Variants in HIBADH observed in about 807,000 individuals in gnomAD.
HIBADH encodes 3-hydroxyisobutyrate dehydrogenase, mitochondrial.
Under a neutral mutation model 36.1 loss-of-function variants are expected in HIBADH, and 25 were observed. The ratio of observed to expected loss-of-function variants is 0.69; its 90% CI spans 0.50 to 0.97. The LOEUF is 0.97. Among genes scored for constraint, HIBADH ranks in the 50% least tolerant of loss-of-function variants. The probability of loss-of-function intolerance (pLI) is 0.00; values close to 1 mark genes in which losing one functional copy is unlikely to be tolerated. For missense variants in HIBADH, 421 were observed against 418.0 expected (o/e 1.01, Z -0.06); for synonymous variants, 160 against 149.5 (o/e 1.07, Z -0.51).
Position 27,649,602 on chromosome 7 carries a change from T to C in HIBADH, c.123A>G (p.Pro41=), listed in dbSNP as rs1211042418. 1 of 1,613,848 alleles carries C rather than the reference T, an allele frequency of 6.2e-7. No individual in the cohort carries two copies. Residue 41 remains proline, a synonymous_variant, in exon 2 of 8, where the codon CCA becomes CCG. Transcript: ENST00000265395. The part of the protein sequence containing the change: ...VCSRSVASKT[P]VGFIGLGNMG... ...TGTTGCCCAGTCCAATGAATCCAAC[T>C]GGAGTCTTTGAAGCCACTGACCTAG...
At chr7:27,625,672 A>G (rs1024003723) in intron 4 of HIBADH, among the ~76,000 whole-genome samples, 1 of 152,194 alleles carries the variant, frequency 6.6e-6, no homozygotes, top group African/African-American at 2.4e-5. Context: ...TATTTTATAA[A>G]TATGTTGCAC....
intron 4 of HIBADH, among the ~76,000 whole-genome samples, chr7:27,616,665 T>C (rs928173599): frequency 1.3e-5 from 2 of 152,132 alleles, no homozygotes; most frequent in Admixed American, 6.6e-5. Context: ...TCTTGCCATA[T>C]TACCCAGGCT....
rs1342792264 is a variant in HIBADH at position 27,525,748 on chromosome 7, T to C, written c.*466A>G. The C allele has an allele frequency of 6.6e-6, 1 of 152,308 alleles. No homozygotes were observed. Among genetic ancestry groups the C allele is most frequent in the Non-Finnish European group, 1.5e-5 (1 of 68,100 alleles). 9.4% of individuals were successfully genotyped at this position (152,308 alleles called of 1,614,324 possible). A position where few individuals can be genotyped will look rare whatever the true frequency, so the allele number is the denominator to read the frequency against. On this transcript the variant is annotated 3_prime_UTR_variant, in exon 8 of 8. Coordinates refer to ENST00000265395, the MANE Select transcript of HIBADH (RefSeq NM_152740.4). ...TAAACCAGTAACCCTGGTAGTGCAGTAACCATTTGGTTAACAGGACAAACT... is the reference window on the plus strand; with the variant it reads ...TAAACCAGTAACCCTGGTAGTGCAGCAACCATTTGGTTAACAGGACAAACT...
rs1562609863 is a variant in HIBADH at position 27,527,917 on chromosome 7, C to CTTTTTTTTTTTTTTTTTTTT, written c.853-1546_853-1545insAAAAAAAAAAAAAAAAAAAA. 2.6e-3 allele frequency among the ~76,000 whole-genome samples: 203 copies of CTTTTTTTTTTTTTTTTTTTT among 77,020 alleles called. 76 individuals are homozygous for CTTTTTTTTTTTTTTTTTTTT. The highest frequency in any genetic ancestry group is 5.0e-3 in the African/African-American group (92 of 18,312). The allele number at this position is 77,020 out of a possible 152,430, so 50.5% of individuals were successfully genotyped here. The stretch of plus-strand genomic sequence containing the variant: ...AGGCATTTGCCACCACCACACCCAG[C>CTTTTTTTTTTTTTTTTTTTT]GTTTTTTTTTTTTTTTTTTTTTTTT... On this transcript the variant is annotated intron_variant, in intron 7 of 7. Coordinates refer to ENST00000265395, the MANE Select transcript of HIBADH (RefSeq NM_152740.4).
At chr7:27,579,139 G>C (rs1269640433) in intron 4 of HIBADH, among the ~76,000 whole-genome samples, 1 of 152,110 alleles carries the variant, frequency 6.6e-6, no homozygotes, top group East Asian at 1.9e-4. Context: ...AGTTATTTGG[G>C]GGACAACTGA....
At chr7:27,537,986 C>T (rs1269779986) in intron 6 of HIBADH, among the ~76,000 whole-genome samples, 1 of 152,100 alleles carries the variant, frequency 6.6e-6, no homozygotes, top group African/African-American at 2.4e-5. Context: ...ATGTCTTATA[C>T]AAATTTGTCC....
chr7:27,651,642 A>T (rs940949912), intron 1 of HIBADH, among the ~76,000 whole-genome samples: 2 of 152,218 alleles, frequency 1.3e-5, no homozygotes, highest in African/African-American at 4.8e-5. Flanking sequence ...TTAACAGGCA[A>T]TTCACTCTAG....
intron 2 of HIBADH, among the ~76,000 whole-genome samples, chr7:27,634,213 G>T (rs1015932085): frequency 2.0e-5 from 3 of 151,904 alleles, no homozygotes; most frequent in African/African-American, 7.3e-5. Context: ...AACAAAAAAA[G>T]ATATTCTCTT....
chr7:27,549,083 A>C (rs1314721625), intron 4 of HIBADH, among the ~76,000 whole-genome samples: 1 of 152,164 alleles, frequency 6.6e-6, no homozygotes, highest in African/African-American at 2.4e-5. Flanking sequence ...CCTGTTATCT[A>C]AATGCACATA....
At chr7:27,538,028 GAA>G (rs1422622834) in intron 6 of HIBADH, among the ~76,000 whole-genome samples, 2 of 152,132 alleles carry the variant, frequency 1.3e-5, no homozygotes, top group African/African-American at 2.4e-5. Flanking sequence ...AAATTTTACA[GAA>G]AAGTGTTTCT....
At chr7:27,611,445 G>T (rs6946582) in intron 4 of HIBADH, among the ~76,000 whole-genome samples, 14,143 of 152,146 alleles carry the variant, frequency 0.093, 912 homozygotes, top group Non-Finnish European at 0.14. Context: ...ATAGACGAGA[G>T]CTGATCAAGT....
At chr7:27,565,973 T>C (rs937984719) in intron 4 of HIBADH, among the ~76,000 whole-genome samples, 4 of 152,158 alleles carry the variant, frequency 2.6e-5, no homozygotes, top group Non-Finnish European at 4.4e-5. Flanking sequence ...ACTATTAATA[T>C]TACAAAGACT....
rs1484219429 is a variant in HIBADH at position 27,538,195 on chromosome 7, G to A, written c.695+146C>T. On this transcript the variant is annotated intron_variant, in intron 6 of 7. Transcript: ENST00000265395. ...TCCTATTGCTTGTCCAATAAGCAAA[G>A]TCTATTAAAGTTCAATAATGAAGTA... 5 of 647,604 alleles carry A rather than the reference G, an allele frequency of 7.7e-6. No homozygotes were observed. The Admixed American group carries it at 8.1e-5, about 11-fold the overall frequency. The allele number at this position is 647,604 out of a possible 1,614,324, so 40.1% of individuals were successfully genotyped here. A position where few individuals can be genotyped will look rare whatever the true frequency, so the allele number is the denominator to read the frequency against.
chr7:27,662,823 C>G lies in HIBADH; in HGVS notation c.-35G>C, dbSNP rs1414062912. On this transcript the variant is annotated 5_prime_UTR_variant, in exon 1 of 8. Coordinates refer to ENST00000265395, the MANE Select transcript of HIBADH (RefSeq NM_152740.4). ...GCCCCTCTCCCCGCGGTGACCTCCG[C>G]CGCCTCCCGGAGGGCCCACAGACTG... The G allele has an allele frequency of 1.4e-6, 2 of 1,436,660 alleles. No individual in the cohort carries two copies. The highest frequency in any genetic ancestry group is 1.5e-5 in the African/African-American group (1 of 67,268). 89.0% of individuals were successfully genotyped at this position (1,436,660 alleles called of 1,614,324 possible).
At chr7:27,542,816 C>T (rs1167167915) in intron 5 of HIBADH, 151 bp downstream of exon 5, 8 of 936,032 alleles carry the variant, frequency 8.5e-6, no homozygotes, top group Non-Finnish European at 1.1e-5. Flanking sequence ...AGGAATGATG[C>T]AAAACTAATT....
At position 27,637,169 on chromosome 7, in the gene HIBADH, G is replaced by A. The variant is rs534447250; in HGVS notation, c.253-4724C>T. Among the ~76,000 whole-genome samples the A allele has an allele frequency of 2.6e-5, 4 of 152,200 alleles. No individual in the cohort carries two copies. In the South Asian group the frequency reaches 6.2e-4, roughly 24 times the overall value. On this transcript the variant is annotated intron_variant, in intron 2 of 7. Coordinates refer to ENST00000265395, the MANE Select transcript of HIBADH (RefSeq NM_152740.4). ...CTTTCTATGTGCCAGGTTCTTTTGG[G>A]CTAAGAGAAAGGTACTCTTATCATC...
rs776560774 is a variant in HIBADH at position 27,526,233 on chromosome 7, C to T, written c.992G>A (p.Arg331Gln). 9.3e-6 allele frequency: 15 copies of T among 1,610,892 alleles called. No homozygotes were observed. Among genetic ancestry groups the T allele is most frequent in the African/African-American group, 2.7e-5 (2 of 74,698 alleles). The change falls in exon 8 of 8, where the codon CGA becomes CAA. Residue 331 changes from arginine to glutamine, a missense_variant. Transcript: ENST00000265395. Reference sequence around the variant, plus strand: ...GCACACTCAGAAGGTCTCCTCCTCTCGTAGGAACTGGAACACGGATGAGAA... The same window carrying T: ...GCACACTCAGAAGGTCTCCTCCTCTTGTAGGAACTGGAACACGGATGAGAA... ...KDFSSVFQFL[R>Q]EEETF is the part of the protein sequence containing the mutation.
intron 7 of HIBADH, among the ~76,000 whole-genome samples, chr7:27,527,741 C>T (rs370644158): frequency 3.6e-5 from 5 of 138,042 alleles, no homozygotes; most frequent in East Asian, 4.5e-4. Flanking sequence ...CGGTGATCTG[C>T]AATCAATCAG....
chr7:27,551,882 A>G (rs1270465730), intron 4 of HIBADH, among the ~76,000 whole-genome samples: 1 of 152,206 alleles, frequency 6.6e-6, no homozygotes, highest in Non-Finnish European at 1.5e-5. Flanking sequence ...CTTGGGCTGC[A>G]ATGTGAGCCA....
Sources: allele counts gnomAD v4.1 joint callset (sites outside exome capture counted in the v4.1 genomes callset), GRCh38; gene constraint gnomAD v4.1.1; transcripts MANE v1.5; gene names NCBI Gene and HGNC (gene_info 2026-07-23, HGNC 2026-07-21).